MAST4: variants seen among roughly 807,000 people sequenced by gnomAD.
The protein encoded by MAST4 is microtubule associated serine/threonine kinase family member 4, also known as microtubule-associated serine/threonine-protein kinase 4.
Under a neutral mutation model 162.7 loss-of-function variants are expected in MAST4, and 89 were observed. The observed-to-expected ratio is 0.55, with a 90% CI of 0.46 to 0.65. The LOEUF is 0.65. Among genes scored for constraint, MAST4 ranks in the 30% least tolerant of loss-of-function variants. The pLI is 0.00. For missense variants in MAST4, 3,153 were observed against 3,374.0 expected (o/e 0.93, Z 1.62); for synonymous variants, 1,479 against 1,361.1 (o/e 1.09, Z -1.91).
chr5:67,134,757 T>A lies in MAST4; in HGVS notation c.2392+69T>A, dbSNP rs565315774. 222 of 1,321,426 alleles carry A rather than the reference T, an allele frequency of 1.7e-4. No individual in the cohort carries two copies. The African/African-American group carries it at 3.1e-3, about 18-fold the overall frequency. 81.9% of individuals were successfully genotyped at this position (1,321,426 alleles called of 1,614,324 possible). A position where few individuals can be genotyped will look rare whatever the true frequency, so the allele number is the denominator to read the frequency against. On this transcript the variant is annotated intron_variant, in intron 18 of 28. Transcript: ENST00000403625. ...AGCTATTTAATGTAAATCTGTTGAG[T>A]GTCACAGTTTTTACTACTAAAATGT...
intron 4 of MAST4, among the ~76,000 whole-genome samples, chr5:66,995,519 C>G (rs1031821410): frequency 6.6e-6 from 1 of 152,128 alleles, no homozygotes; most frequent in Non-Finnish European, 1.5e-5. Flanking sequence ...TCTCCTGCCT[C>G]AGCCTTCCAA....
chr5:66,954,112 A>G (rs1745017637), intron 4 of MAST4, among the ~76,000 whole-genome samples: 2 of 152,088 alleles, frequency 1.3e-5, no homozygotes, highest in South Asian at 4.1e-4. Flanking sequence ...AGTCATATCG[A>G]AGTACTGTGG....
In MAST4 at chr5:67,144,782, A is replaced by C; in HGVS notation, c.2844A>C (p.Ser948=). 1 of 1,609,168 alleles carries C rather than the reference A, an allele frequency of 6.2e-7. No homozygotes were observed. Among genetic ancestry groups the C allele is most frequent in the East Asian group, 2.2e-5 (1 of 44,808 alleles). ...LPSTETLSWS[S]EYSEMQQLST... ...CCACAGAAACACTGAGCTGGAGTTCAGAATATTCTGAAATGTATGTGAAAT... is the reference window on the plus strand; with the variant it reads ...CCACAGAAACACTGAGCTGGAGTTCCGAATATTCTGAAATGTATGTGAAAT... Residue 948 remains serine, a synonymous_variant, in exon 22 of 29, where the codon TCA becomes TCC. Coordinates refer to ENST00000403625, the MANE Select transcript of MAST4 (RefSeq NM_001164664.2).
chr5:67,124,094 T>A (rs759526922), intron 14 of MAST4, among the ~76,000 whole-genome samples: 3 of 152,184 alleles, frequency 2.0e-5, no homozygotes, highest in Admixed American at 6.5e-5. Context: ...AGCTTCTAGT[T>A]CCACTTCTCC....
At chr5:66,858,373 G>A (rs1759840899) in intron 3 of MAST4, among the ~76,000 whole-genome samples, 1 of 152,138 alleles carries the variant, frequency 6.6e-6, no homozygotes, top group Admixed American at 6.6e-5. Context: ...TGAGTATGGT[G>A]TGAGGTATGG....
intron 11 of MAST4, among the ~76,000 whole-genome samples, chr5:67,112,739 A>C (rs767044847): frequency 1.3e-5 from 2 of 152,154 alleles, no homozygotes; most frequent in Non-Finnish European, 2.9e-5. Flanking sequence ...AAGCTCCCCA[A>C]GTGCAGTCTT....
chr5:67,149,610 T>C, intron 24 of MAST4, 21 bp downstream of exon 24: 1 of 1,607,050 alleles, frequency 6.2e-7, no homozygotes, highest in Non-Finnish European at 8.5e-7. Context: ...ACTACTTGCA[T>C]GAAATTGTGT....
chr5:67,158,730 GA>G (rs1183510458), intron 26 of MAST4, among the ~76,000 whole-genome samples: 1 of 152,192 alleles, frequency 6.6e-6, no homozygotes, highest in African/African-American at 2.4e-5. Context: ...AACTGTGTAA[GA>G]ATTTAAACAC....
intron 2 of MAST4, among the ~76,000 whole-genome samples, chr5:66,763,286 C>G (rs1384777627): frequency 1.3e-5 from 2 of 152,150 alleles, no homozygotes; most frequent in Admixed American, 6.5e-5. Context: ...ATTGTTCACT[C>G]AGTTAAAATT....
At chr5:66,910,426 T>A (rs966349563) in intron 4 of MAST4, among the ~76,000 whole-genome samples, 6 of 152,182 alleles carry the variant, frequency 3.9e-5, no homozygotes, top group African/African-American at 9.7e-5. Flanking sequence ...TGTTCTCTCT[T>A]TACCCGGGTT....
At chr5:67,068,898 C>A (rs993794707) in intron 5 of MAST4, among the ~76,000 whole-genome samples, 7 of 151,756 alleles carry the variant, frequency 4.6e-5, no homozygotes, top group African/African-American at 9.7e-5. Flanking sequence ...CAGCAGGAGA[C>A]GGCACCCACC....
intron 3 of MAST4, chr5:66,870,818 A>C (rs1330350707): frequency 4.2e-6 from 2 of 471,568 alleles, no homozygotes; most frequent in African/African-American, 2.0e-5. Context: ...TCAGCCCGAC[A>C]TCGCCAGAGA....
At chr5:66,659,657 G>T (rs1746778464) in intron 1 of MAST4, among the ~76,000 whole-genome samples, 1 of 152,078 alleles carries the variant, frequency 6.6e-6, no homozygotes, top group Non-Finnish European at 1.5e-5. Flanking sequence ...TTTGTCATTT[G>T]GCCAACATTG....
chr5:66,800,065 G>A (rs538639457), intron 3 of MAST4, among the ~76,000 whole-genome samples: 11 of 152,314 alleles, frequency 7.2e-5, no homozygotes, highest in Admixed American at 4.6e-4. Context: ...TTCATTAAAT[G>A]TACATCCCAA....
At chr5:66,828,739 A>T (rs988284681) in intron 3 of MAST4, 18 of 1,521,302 alleles carry the variant, frequency 1.2e-5, no homozygotes, top group Middle Eastern at 1.9e-4. Flanking sequence ...CTAGAGCGTG[A>T]TGTAAGTGTT....
chr5:66,788,615 T>G, intron 2 of MAST4, 55 bp from the exon 3 acceptor site: 5 of 445,414 alleles, frequency 1.1e-5, no homozygotes, highest in Non-Finnish European at 1.7e-5. Flanking sequence ...CCCATTGCAA[T>G]AAGACTACTA....
intron 3 of MAST4, among the ~76,000 whole-genome samples, chr5:66,815,735 A>G (rs924037729): frequency 1.3e-5 from 2 of 152,200 alleles, no homozygotes; most frequent in Non-Finnish European, 2.9e-5. Flanking sequence ...GATTTAATTT[A>G]TTAGGTTTGT....
chr5:67,026,269 GA>G (rs1320697451), intron 4 of MAST4, among the ~76,000 whole-genome samples: 2 of 152,110 alleles, frequency 1.3e-5, no homozygotes, highest in Non-Finnish European at 2.9e-5. Flanking sequence ...TTTTAGAGGG[GA>G]AAAAATATTT....
rs1421063933 is a variant in MAST4, at chr5:67,133,652, C to T, written c.2226+6C>T. 1 of 1,612,464 alleles carries T rather than the reference C, an allele frequency of 6.2e-7. No homozygotes were observed. Among genetic ancestry groups the T allele is most frequent in the East Asian group, 2.2e-5 (1 of 44,852 alleles). ...GAGAGTTCCTGGATAAACAGGTAAG[C>T]TTGGGTGCCATTTAGTTTATTGAGA... On this transcript the variant is annotated splice_donor_region_variant and intron_variant, in intron 17 of 28. Coordinates refer to ENST00000403625, the MANE Select transcript of MAST4 (RefSeq NM_001164664.2).
Sources: gnomAD v4.1 joint callset for allele counts (sites outside exome capture counted in the v4.1 genomes callset) on GRCh38, gnomAD v4.1.1 for gene constraint, MANE v1.5 for transcripts, NCBI Gene and HGNC (gene_info 2026-07-23, HGNC 2026-07-21) for gene names.